JADE2: variants seen among roughly 807,000 people sequenced by gnomAD.
JADE2 encodes E3 ubiquitin-protein ligase Jade-2.
A neutral mutation model predicts 85.7 loss-of-function variants in JADE2; 13 were observed. That is an observed-to-expected ratio of 0.15 (90% CI 0.10 to 0.24). JADE2 has a LOEUF of 0.24. Among genes scored for constraint, JADE2 ranks in the 10% least tolerant of loss-of-function variants. JADE2 has a pLI of 1.00. For synonymous variants in JADE2, 440 were observed against 456.1 expected (o/e 0.96, Z 0.45); for missense variants, 846 against 1,115.9 (o/e 0.76, Z 3.45).
chr5:134,526,224 T>A, intron 1 of JADE2: 1 of 985,384 alleles, frequency 1.0e-6, no homozygotes, highest in Non-Finnish European at 1.2e-6. Context: ...TGGTCAGTCG[T>A]GTTTTAAAGA....
intron 4 of JADE2, among the ~76,000 whole-genome samples, chr5:134,556,032 G>T (rs1396235391): frequency 6.6e-6 from 1 of 152,094 alleles, no homozygotes; most frequent in Non-Finnish European, 1.5e-5. Flanking sequence ...CATCCTTCCT[G>T]CCCTTTTTGC....
chr5:134,542,705 G>A (rs1009749219), intron 3 of JADE2, among the ~76,000 whole-genome samples: 9 of 151,988 alleles, frequency 5.9e-5, no homozygotes, highest in Admixed American at 3.3e-4. Flanking sequence ...GCCCCCCAGA[G>A]TGCTGGGATT....
chr5:134,550,648 T>A (rs563487607), intron 3 of JADE2, among the ~76,000 whole-genome samples: 9 of 152,276 alleles, frequency 5.9e-5, no homozygotes, highest in Admixed American at 1.3e-4. Context: ...TCACATGGTG[T>A]CTAGAGGTGC....
At chr5:134,526,333 C>G in intron 1 of JADE2, 1 of 985,114 alleles carries the variant, frequency 1.0e-6, no homozygotes, top group South Asian at 4.7e-5. Flanking sequence ...AAAGCGCCCC[C>G]GGGCCGGCGA....
At chr5:134,534,748 G>GGGT (rs1248231724) in intron 1 of JADE2, among the ~76,000 whole-genome samples, 1 of 152,196 alleles carries the variant, frequency 6.6e-6, no homozygotes, top group African/African-American at 2.4e-5. Flanking sequence ...TGGGGAGTCA[G>GGGT]TCAGGGAACA....
intron 9 of JADE2, among the ~76,000 whole-genome samples, chr5:134,570,995 T>C (rs1193259821): frequency 6.6e-6 from 1 of 152,268 alleles, no homozygotes; most frequent in Non-Finnish European, 1.5e-5. Context: ...GTGAGATTTA[T>C]CCTCATGGTT....
intron 3 of JADE2, among the ~76,000 whole-genome samples, chr5:134,542,060 G>A (rs185593156): frequency 5.7e-4 from 87 of 152,368 alleles, no homozygotes; most frequent in Admixed American, 1.9e-3. Flanking sequence ...GCTGGGCTAG[G>A]ATTTTTGGTG....
intron 1 of JADE2, chr5:134,526,597 C>A: frequency 4.1e-6 from 4 of 985,426 alleles, no homozygotes; most frequent in Non-Finnish European, 4.8e-6. Flanking sequence ...CCGGTCCGGT[C>A]CCAGACACCT....
At chr5:134,557,375 C>CT (rs59421890) in intron 4 of JADE2, among the ~76,000 whole-genome samples, 5,863 of 121,720 alleles carry the variant, frequency 0.048, 166 homozygotes, top group Middle Eastern at 0.062. Context: ...TTGAAAATAA[C>CT]TTTTTTTTTT....
rs2150041960 is a variant in JADE2 at position 134,582,724 on chromosome 5, A to C, written c.*3407A>C. 1 of 152,680 alleles carries C rather than the reference A, an allele frequency of 6.5e-6. No homozygotes were observed. 9.5% of individuals were successfully genotyped at this position (152,680 alleles called of 1,614,324 possible). ...CACTTTCTCCCTCAGAGGCACAAAC[A>C]CTTTGTGTTCCACGTCAGTTTGAGG... On this transcript the variant is annotated 3_prime_UTR_variant, in exon 12 of 12. Transcript: ENST00000681547.
intron 1 of JADE2, among the ~76,000 whole-genome samples, chr5:134,533,144 T>C (rs1475892164): frequency 6.6e-6 from 1 of 152,156 alleles, no homozygotes; most frequent in Non-Finnish European, 1.5e-5. Context: ...GCACCTTCCT[T>C]ACTGTATAGG....
intron 9 of JADE2, among the ~76,000 whole-genome samples, chr5:134,569,057 A>G (rs537241689): frequency 1.9e-4 from 29 of 152,156 alleles, no homozygotes; most frequent in Non-Finnish European, 2.5e-4. Flanking sequence ...TTCAGTTTCT[A>G]CTTCTCTGAG....
upstream of JADE2, among the ~76,000 whole-genome samples, chr5:134,525,213 C>T (rs1327230634): frequency 3.4e-5 from 5 of 145,062 alleles, no homozygotes; most frequent in Non-Finnish European, 7.5e-5. Flanking sequence ...GTCTGGGGCG[C>T]GTAGGGGGCG....
intron 1 of JADE2, among the ~76,000 whole-genome samples, chr5:134,534,941 ACTTT>A (rs2149871478): frequency 6.6e-6 from 1 of 152,292 alleles, no homozygotes; most frequent in Admixed American, 6.5e-5. Flanking sequence ...GTGGGAAAAC[ACTTT>A]CAGCAGCCAG....
chr5:134,576,978 C>G, intron 11 of JADE2, 82 bp downstream of exon 11: 1 of 1,445,640 alleles, frequency 6.9e-7, no homozygotes, highest in South Asian at 1.4e-5. Flanking sequence ...CTGCGGAAGG[C>G]CAGCTGCACA....
At chr5:134,537,873 T>C (rs1761695287) in intron 2 of JADE2, 116 bp from the exon 3 acceptor site, 1 of 731,098 alleles carries the variant, frequency 1.4e-6, no homozygotes, top group East Asian at 2.6e-5. Flanking sequence ...TCACAGAGGT[T>C]TCTCCCTCAT....
intron 3 of JADE2, among the ~76,000 whole-genome samples, chr5:134,543,776 AG>A (rs1762124028): frequency 6.6e-6 from 1 of 152,142 alleles, no homozygotes; most frequent in South Asian, 2.1e-4. Flanking sequence ...GTTCCCTGGA[AG>A]CTTCTTTGAG....
intron 3 of JADE2, among the ~76,000 whole-genome samples, chr5:134,545,524 CT>C (rs1762248766): frequency 6.6e-6 from 1 of 151,462 alleles, no homozygotes; most frequent in African/African-American, 2.4e-5. Flanking sequence ...TGAATTTTAA[CT>C]GCATAAGTTT....
At chr5:134,565,381 G>A (rs938790957) in intron 8 of JADE2, among the ~76,000 whole-genome samples, 1 of 152,190 alleles carries the variant, frequency 6.6e-6, no homozygotes, top group Non-Finnish European at 1.5e-5. Context: ...TAAGAGAGAG[G>A]GTCAGGCCTC....
Sources: gnomAD v4.1 joint callset for allele counts (sites outside exome capture counted in the v4.1 genomes callset) on GRCh38, gnomAD v4.1.1 for gene constraint, MANE v1.5 for transcripts, NCBI Gene and HGNC (gene_info 2026-07-23, HGNC 2026-07-21) for gene names.